The following LCORL variants were observed in gnomAD, a reference collection of about 807,000 sequenced individuals.
LCORL encodes ligand-dependent nuclear receptor corepressor-like protein.
In LCORL, 41 loss-of-function variants were observed where a neutral mutation model predicts 141.8. The observed-to-expected ratio is 0.29, with a 90% CI of 0.23 to 0.38. The LOEUF (loss-of-function observed/expected upper bound fraction) is 0.38, where lower values mean the gene tolerates loss of function less well. Ranked by LOEUF, LCORL falls within the 10% of genes least tolerant of loss-of-function variation. LCORL has a pLI of 1.00. For missense variants in LCORL, 1,759 were observed against 2,035.0 expected (o/e 0.86, Z 2.61); for synonymous variants, 618 against 694.1 (o/e 0.89, Z 1.72).
At chr4:17,878,510 T>G (rs1235606914) in intron 6 of LCORL, among the ~76,000 whole-genome samples, 1 of 151,442 alleles carries the variant, frequency 6.6e-6, no homozygotes, top group Non-Finnish European at 1.5e-5. Context: ...TAAGAATATT[T>G]AATGGAAAGT....
intron 4 of LCORL, among the ~76,000 whole-genome samples, chr4:17,959,933 T>C (rs1713452573): frequency 6.6e-6 from 1 of 152,154 alleles, no homozygotes; most frequent in African/African-American, 2.4e-5. Flanking sequence ...GTAGAGTTAA[T>C]AGTAGAACTC....
At chr4:17,872,782 A>G (rs994854258) in intron 7 of LCORL, among the ~76,000 whole-genome samples, 1 of 152,140 alleles carries the variant, frequency 6.6e-6, no homozygotes, top group African/African-American at 2.4e-5. Flanking sequence ...AAACTACTCA[A>G]CAAGTTTGCT....
intron 4 of LCORL, among the ~76,000 whole-genome samples, chr4:17,950,035 G>A (rs1016419054): frequency 6.6e-6 from 1 of 151,942 alleles, no homozygotes; most frequent in Non-Finnish European, 1.5e-5. Context: ...TTTTAGACAA[G>A]AACAGCATTA....
In LCORL at chr4:17,919,064, G is replaced by A. The variant is rs576523959; in HGVS notation, c.431-9719C>T. Among the ~76,000 whole-genome samples the A allele has an allele frequency of 7.2e-5, 10 of 137,944 alleles. No individual in the cohort carries two copies. In the South Asian group the frequency reaches 1.8e-3, roughly 25 times the overall value. 90.5% of individuals were successfully genotyped at this position (137,944 alleles called of 152,430 possible). A position where few individuals can be genotyped will look rare whatever the true frequency, so the allele number is the denominator to read the frequency against. On this transcript the variant is annotated intron_variant, in intron 4 of 7. Transcript: ENST00000635767. ...TTTTCTAAAACCAGAAATGAAAGAA[G>A]ATATATCACTACTGATCTTAAAAAA...
Position 17,982,939 on chromosome 4 carries a change from G to C in LCORL, c.155-10054C>G, listed in dbSNP as rs537828145. ...TTTAATCCATCTTGAGTTAATTTTT[G>C]TATAAGGTATAAGGAAGGGGTCTAG... On this transcript the variant is annotated intron_variant, in intron 1 of 7. Coordinates refer to ENST00000635767, the Ensembl canonical transcript of LCORL. Among the ~76,000 whole-genome samples, 6 of 152,244 alleles carry C rather than the reference G, an allele frequency of 3.9e-5. No individual in the cohort carries two copies. The East Asian group carries it at 1.2e-3, about 29-fold the overall frequency.
At chr4:17,878,654 T>C (rs1727173512) in intron 6 of LCORL, among the ~76,000 whole-genome samples, 2 of 151,380 alleles carry the variant, frequency 1.3e-5, no homozygotes, top group Admixed American at 1.3e-4. Flanking sequence ...TAGATATTTT[T>C]TCCAAGGCAG....
chr4:17,927,860 G>A (rs1010578093), intron 4 of LCORL, among the ~76,000 whole-genome samples: 9 of 152,112 alleles, frequency 5.9e-5, no homozygotes, highest in East Asian at 1.9e-4. Context: ...GACATGAAGC[G>A]AGCACGTTAT....
Position 17,884,080 on chromosome 4 carries a change from G to A in LCORL, c.776+1988C>T, listed in dbSNP as rs1727960323. 2 of 1,550,592 alleles carry A rather than the reference G, an allele frequency of 1.3e-6. No homozygotes were observed. The highest frequency in any genetic ancestry group is 1.7e-6 in the Non-Finnish European group (2 of 1,146,284). ...TAGAATTAAGACACAAAGGAGAGAG[G>A]TCCCCATGTAGAAAGTAAGAGTCAA... On this transcript the variant is annotated intron_variant, in intron 6 of 7. Coordinates refer to ENST00000635767, the Ensembl canonical transcript of LCORL. The surrounding 1 kb of genome is among the most constrained non-coding windows in gnomAD (Gnocchi z 4.4).
intron 7 of LCORL, among the ~76,000 whole-genome samples, chr4:17,867,262 ACTTATT>A (rs1725787981): frequency 6.6e-6 from 1 of 152,096 alleles, no homozygotes; most frequent in Non-Finnish European, 1.5e-5. Flanking sequence ...AAAGCCAACA[ACTTATT>A]TTTTATTTTT....
chr4:17,912,777 A>G, intron 4 of LCORL: 1 of 421,302 alleles, frequency 2.4e-6, no homozygotes, highest in Non-Finnish European at 4.6e-6. Context: ...CACCAGGCCC[A>G]GGAGTACGAG....
chr4:17,893,299 C>A lies in LCORL; in HGVS notation c.683-7138G>T. ...GTAAAAATTAAGATTGAGTTTAAAA[C>A]CTTAGCTCAAGAATGTTTATTTATA... On this transcript the variant is annotated intron_variant, in intron 5 of 7. Transcript: ENST00000635767. 3 of 795,332 alleles carry A rather than the reference C, an allele frequency of 3.8e-6. No individual in the cohort carries two copies. In the South Asian group the frequency reaches 1.7e-4, roughly 46 times the overall value. 49.3% of individuals were successfully genotyped at this position (795,332 alleles called of 1,614,324 possible).
chr4:17,881,126 T>C (rs1284000496), intron 6 of LCORL: 1 of 982,378 alleles, frequency 1.0e-6, no homozygotes, highest in African/African-American at 1.8e-5. Flanking sequence ...AGTAGTTTTC[T>C]AAAAACAGAG....
intron 4 of LCORL, among the ~76,000 whole-genome samples, chr4:17,948,386 C>G (rs999930106): frequency 3.3e-5 from 5 of 151,816 alleles, no homozygotes; most frequent in Admixed American, 3.3e-4. Flanking sequence ...AATACACGTG[C>G]TAAGTACTAG....
At chr4:17,966,273 G>C (rs11933767) in intron 2 of LCORL, among the ~76,000 whole-genome samples, 36,051 of 151,806 alleles carry the variant, frequency 0.24, 5,460 homozygotes, top group African/African-American at 0.43. Context: ...GCTAGCCAAT[G>C]AAGAAAAAAA....
intron 1 of LCORL, among the ~76,000 whole-genome samples, chr4:18,002,922 A>C (rs1392106565): frequency 1.3e-5 from 2 of 152,242 alleles, no homozygotes; most frequent in African/African-American, 4.8e-5. Flanking sequence ...CGGAATGTGG[A>C]AAGTGGCATC....
In LCORL at chr4:17,952,457, C is replaced by T. The variant is rs375043673; in HGVS notation, c.430+9446G>A. 5.5e-4 allele frequency among the ~76,000 whole-genome samples: 83 copies of T among 150,666 alleles called. 1 individual carries two copies. In the East Asian group the frequency reaches 0.015, roughly 28 times the overall value. ...TTGAGATGGGGACTTGTTCTGTCGC[C>T]CAGGCTGGAGTGCAGTGGCGCGATC... On this transcript the variant is annotated intron_variant, in intron 4 of 7. Coordinates refer to ENST00000635767, the Ensembl canonical transcript of LCORL.
intron 4 of LCORL, among the ~76,000 whole-genome samples, chr4:17,944,505 A>G (rs1738512685): frequency 6.6e-6 from 1 of 152,086 alleles, no homozygotes. Context: ...TTTGTTGCTC[A>G]AATTGTTGCA....
At chr4:17,988,961 GGGACAGA>G (rs1719508509) in intron 1 of LCORL, among the ~76,000 whole-genome samples, 1 of 152,164 alleles carries the variant, frequency 6.6e-6, no homozygotes, top group Non-Finnish European at 1.5e-5. Flanking sequence ...TCCAGCCTGG[GGGACAGA>G]GTGAGACTCC....
At chr4:17,902,169 G>A (rs910682397) in intron 5 of LCORL, among the ~76,000 whole-genome samples, 3 of 152,034 alleles carry the variant, frequency 2.0e-5, no homozygotes, top group African/African-American at 4.8e-5. Flanking sequence ...AGATGTGGCT[G>A]GATAGGTGGG....
Sources: allele counts gnomAD v4.1 joint callset (sites outside exome capture counted in the v4.1 genomes callset), GRCh38; gene constraint gnomAD v4.1.1; non-coding constraint Gnocchi (gnomAD v3.1); transcripts MANE v1.5; gene names NCBI Gene and HGNC (gene_info 2026-07-23, HGNC 2026-07-21).